The following ZNF267 variants were observed in gnomAD, a reference collection of about 807,000 sequenced individuals.
ZNF267 encodes zinc finger (C2H2).
ZNF267 carries 61 observed loss-of-function variants against 71.6 expected under a neutral mutation model. The observed-to-expected ratio is 0.85, with a 90% CI of 0.69 to 1.05. ZNF267 has a LOEUF of 1.05. Among genes scored for constraint, ZNF267 ranks in the 50% least tolerant of loss-of-function variants. ZNF267 has a pLI of 0.00. For missense variants in ZNF267, 852 were observed against 870.0 expected (o/e 0.98, Z 0.26); for synonymous variants, 288 against 293.2 (o/e 0.98, Z 0.18).
At chr16:31,907,763 G>A (rs750856499) in intron 3 of ZNF267, among the ~76,000 whole-genome samples, 19 of 152,144 alleles carry the variant, frequency 1.2e-4, no homozygotes, top group East Asian at 1.9e-4. Flanking sequence ...ATGGCTGGGC[G>A]CAGTGGCTCA....
chr16:31,910,896 A>G (rs951311379), intron 3 of ZNF267, among the ~76,000 whole-genome samples: 2 of 151,106 alleles, frequency 1.3e-5, no homozygotes, highest in Admixed American at 1.3e-4. Flanking sequence ...GTGTTTTTTC[A>G]TTATTTGTTT....
chr16:31,907,017 A>G (rs1158165063), intron 3 of ZNF267, among the ~76,000 whole-genome samples: 2 of 152,012 alleles, frequency 1.3e-5, no homozygotes, highest in South Asian at 2.1e-4. Flanking sequence ...ATCACTTTCA[A>G]TATATCATCC....
intron 1 of ZNF267, among the ~76,000 whole-genome samples, chr16:31,878,250 C>T (rs888370281): frequency 6.6e-6 from 1 of 152,142 alleles, no homozygotes; most frequent in African/African-American, 2.4e-5. Flanking sequence ...GTTCTGCACA[C>T]AGGCTGCCCC....
At chr16:31,885,044 C>A in intron 2 of ZNF267, 117 bp from the exon 3 acceptor site, 1 of 680,116 alleles carries the variant, frequency 1.5e-6, no homozygotes, top group South Asian at 3.8e-5. Context: ...ATTTTTTCTA[C>A]TGAGCACAGT....
At chr16:31,895,952 T>G (rs574919670) in intron 3 of ZNF267, among the ~76,000 whole-genome samples, 1 of 152,338 alleles carries the variant, frequency 6.6e-6, no homozygotes, top group East Asian at 1.9e-4. Context: ...TCATTTTGTA[T>G]TTAAACTCTT....
intron 3 of ZNF267, among the ~76,000 whole-genome samples, chr16:31,891,965 T>TTGGAACTCCC (rs1170101982): frequency 1.3e-5 from 2 of 152,152 alleles, no homozygotes; most frequent in Admixed American, 6.5e-5. Flanking sequence ...GTGGGAAAGT[T>TTGGAACTCCC]TGGAACTCCC....
Position 31,915,702 on chromosome 16 carries a change from G to A in ZNF267, c.1453G>A (p.Val485Ile). The stretch of plus-strand genomic sequence containing the variant: ...TTCAAATCTTATTATGCATCAGAGA[G>A]TTCATACTGGAGAGAAGCCTTATAA... ...RSSNLIMHQR[V>I]HTGEKPYKCK... The change falls in exon 4 of 4, where the codon GTT becomes ATT. Residue 485 changes from valine to isoleucine, a missense_variant. Physicochemically the swap from Val to Ile is conservative, Grantham distance 29 (BLOSUM62 3). Transcript: ENST00000300870. 1 of 1,612,420 alleles carries A rather than the reference G, an allele frequency of 6.2e-7. No homozygotes were observed. Among genetic ancestry groups the A allele is most frequent in the Non-Finnish European group, 8.5e-7 (1 of 1,179,552 alleles).
chr16:31,906,286 C>T (rs938737721), intron 3 of ZNF267, among the ~76,000 whole-genome samples: 1 of 152,178 alleles, frequency 6.6e-6, no homozygotes, highest in Admixed American at 6.5e-5. Context: ...CTGGGAGAAC[C>T]ACTACTCTCT....
At chr16:31,904,601 A>T (rs1299731536) in intron 3 of ZNF267, among the ~76,000 whole-genome samples, 1 of 152,120 alleles carries the variant, frequency 6.6e-6, no homozygotes, top group African/African-American at 2.4e-5. Context: ...AGAGACTAGG[A>T]TTGCAACCCT....
chr16:31,916,075 G>A lies in ZNF267; in HGVS notation c.1826G>A (p.Cys609Tyr). The part of the protein sequence containing the change: ...TGEKPYTCKE[C>Y]GKAFSYSSDV... ...GAGAAACCCTATACATGTAAAGAAT[G>A]TGGCAAAGCCTTTAGTTATAGTTCA... Residue 609 changes from cysteine to tyrosine, a missense_variant, in exon 4 of 4, where the codon TGT (cysteine) becomes TAT (tyrosine). Coordinates refer to ENST00000300870, the MANE Select transcript of ZNF267 (RefSeq NM_003414.6). 6.2e-7 allele frequency: 1 copy of A among 1,614,148 alleles called. No homozygotes were observed.
intron 3 of ZNF267, among the ~76,000 whole-genome samples, chr16:31,892,731 A>G (rs914393370): frequency 2.6e-5 from 4 of 152,258 alleles, no homozygotes; most frequent in South Asian, 4.1e-4. Context: ...TAAAGCTCCA[A>G]GATGATCTCC....
intron 2 of ZNF267, 51 bp downstream of exon 2, chr16:31,884,675 T>G (rs1219010276): frequency 1.3e-6 from 2 of 1,563,050 alleles, no homozygotes; most frequent in Non-Finnish European, 1.7e-6. Context: ...TTTTATTTTC[T>G]TTTCAGAATG....
chr16:31,875,427 G>A (rs577922285), intron 1 of ZNF267: 1 of 875,768 alleles, frequency 1.1e-6, no homozygotes, highest in African/African-American at 1.8e-5. Flanking sequence ...TTCAAAGCTA[G>A]TTTTCATCCC....
At chr16:31,882,859 C>T (rs2083899638) in intron 1 of ZNF267, among the ~76,000 whole-genome samples, 3 of 152,148 alleles carry the variant, frequency 2.0e-5, no homozygotes, top group Non-Finnish European at 2.9e-5. Context: ...TAAAGTTAAT[C>T]ATTTTTCTCT....
intron 3 of ZNF267, among the ~76,000 whole-genome samples, chr16:31,902,195 A>G (rs1341354297): frequency 2.0e-5 from 3 of 152,118 alleles, no homozygotes; most frequent in Non-Finnish European, 4.4e-5. Flanking sequence ...TGGTTACTGT[A>G]GCCTTGTAGT....
rs143173896 is a variant in ZNF267, at chr16:31,909,166, G to A, written c.227-5310G>A. Among the ~76,000 whole-genome samples the A allele has an allele frequency of 8.0e-3, 879 of 109,910 alleles. 14 individuals carry two copies. The highest frequency in any genetic ancestry group is 0.029 in the African/African-American group (839 of 28,814). 72.1% of individuals were successfully genotyped at this position (109,910 alleles called of 152,430 possible). A position where few individuals can be genotyped will look rare whatever the true frequency, so the allele number is the denominator to read the frequency against. ...TTTTTTGACGTATCTCCCTCTTGTC[G>A]CCCAGGCTGGAGTGCAGTAGCACGA... On this transcript the variant is annotated intron_variant, in intron 3 of 3. Coordinates refer to ENST00000300870, the MANE Select transcript of ZNF267 (RefSeq NM_003414.6).
At chr16:31,880,881 C>G (rs1440061967) in intron 1 of ZNF267, among the ~76,000 whole-genome samples, 2 of 152,142 alleles carry the variant, frequency 1.3e-5, no homozygotes, top group Non-Finnish European at 2.9e-5. Context: ...CAGCCATAGT[C>G]CCTACCATCC....
chr16:31,904,756 C>A (rs1014021029), intron 3 of ZNF267, among the ~76,000 whole-genome samples: 2 of 152,172 alleles, frequency 1.3e-5, no homozygotes, highest in African/African-American at 4.8e-5. Context: ...CAGTCTGTGT[C>A]TTTTAATTGG....
intron 3 of ZNF267, among the ~76,000 whole-genome samples, chr16:31,900,861 A>T (rs2084035272): frequency 3.4e-5 from 5 of 148,894 alleles, no homozygotes; most frequent in Admixed American, 2.7e-4. Context: ...CAGATTTGTT[A>T]CATTTGTATA....
Sources: gnomAD v4.1 joint callset for allele counts (sites outside exome capture counted in the v4.1 genomes callset) on GRCh38, gnomAD v4.1.1 for gene constraint, MANE v1.5 for transcripts, NCBI Gene and HGNC (gene_info 2026-07-23, HGNC 2026-07-21) for gene names.